The following SMARCA2 variants were observed in gnomAD, a reference collection of about 807,000 sequenced individuals.
SMARCA2 encodes SWI/SNF-related matrix-associated actin-dependent regulator of chromatin subfamily A member 2.
A neutral mutation model predicts 199.8 loss-of-function variants in SMARCA2; 61 were observed. That is an observed-to-expected ratio of 0.31 (90% CI 0.25 to 0.38). The LOEUF is 0.38. SMARCA2 is among the 10% of genes least tolerant of loss of function. The pLI is 1.00. For synonymous variants in SMARCA2, 935 were observed against 732.0 expected, an observed-to-expected ratio of 1.28 and a Z score of -4.48; for missense variants, 1,344 against 2,012.2, an observed-to-expected ratio of 0.67 and a Z score of 6.35.
At chr9:2,114,171 T>G (rs74654339) in intron 24 of SMARCA2, among the ~76,000 whole-genome samples, 2 of 152,184 alleles carry the variant, frequency 1.3e-5, no homozygotes, top group Non-Finnish European at 2.9e-5. Context: ...AAAGGAACTT[T>G]AGGGTGTTTT....
At chr9:2,053,645 CTTA>C (rs1347051430) in intron 5 of SMARCA2, among the ~76,000 whole-genome samples, 3 of 152,262 alleles carry the variant, frequency 2.0e-5, no homozygotes, top group African/African-American at 4.8e-5. Context: ...TAACTTATTA[CTTA>C]TTATTATTCT....
Position 2,073,977 on chromosome 9 carries a change from A to T in SMARCA2, c.1935+354A>T, listed in dbSNP as rs151182773. On this transcript the variant is annotated intron_variant, in intron 12 of 33. Transcript: ENST00000349721. Reference sequence around the variant, plus strand: ...CATACCATACCTCTAAGTGGTTCACATTGAGAATTAACTGCCAAAAAGTTC... The same window carrying T: ...CATACCATACCTCTAAGTGGTTCACTTTGAGAATTAACTGCCAAAAAGTTC... 8.9e-4 allele frequency among the ~76,000 whole-genome samples: 136 copies of T among 152,314 alleles called. 3 individuals are homozygous for T. In the East Asian group the frequency reaches 0.022, roughly 24 times the overall value.
At position 2,159,560 on chromosome 9, in the gene SMARCA2, G is replaced by A. The variant is rs531237460; in HGVS notation, c.3982-2126G>A. On this transcript the variant is annotated intron_variant, in intron 27 of 33. Coordinates refer to ENST00000349721, the MANE Select transcript of SMARCA2 (RefSeq NM_003070.5). ...CTTACTGGCTTAATTGTTAAAATGC[G>A]AGCAAGACTCAGAAACCATCTGAGC... 874 of 351,958 alleles carry A rather than the reference G, an allele frequency of 2.5e-3. 3 individuals carry two copies. Among genetic ancestry groups the A allele is most frequent in the Non-Finnish European group, 3.5e-3 (684 of 194,484 alleles). 21.8% of individuals were successfully genotyped at this position (351,958 alleles called of 1,614,324 possible).
rs535504760 is a variant in SMARCA2 at position 2,124,070 on chromosome 9, G to A, written c.3981+133G>A. 353 of 724,418 alleles carry A rather than the reference G, an allele frequency of 4.9e-4. 6 individuals are homozygous for A. The South Asian group carries it at 5.3e-3, about 11-fold the overall frequency. 44.9% of individuals were successfully genotyped at this position (724,418 alleles called of 1,614,324 possible). ...CAAAGGGAAGGGGCTCTTGAACACA[G>A]AAGATAAAGTCATTCTGCTGTTGCA... On this transcript the variant is annotated intron_variant, in intron 27 of 33. Transcript: ENST00000349721.
At position 2,117,579 on chromosome 9, in the gene SMARCA2, C is replaced by T. The variant is rs1203189897; in HGVS notation, c.3684+1530C>T. Among the ~76,000 whole-genome samples, 5 of 152,208 alleles carry T rather than the reference C, an allele frequency of 3.3e-5. No individual in the cohort carries two copies. In the East Asian group the frequency reaches 9.6e-4, roughly 29 times the overall value. On this transcript the variant is annotated intron_variant, in intron 25 of 33. Coordinates refer to ENST00000349721, the MANE Select transcript of SMARCA2 (RefSeq NM_003070.5). ...AGATATGAGCAGAGCTGACACTCAG[C>T]CAGTCGTCTCCACTACATTTTTGCT...
At chr9:2,178,531 C>CAATT (rs2129835300) in intron 29 of SMARCA2, among the ~76,000 whole-genome samples, 1 of 152,160 alleles carries the variant, frequency 6.6e-6, no homozygotes, top group East Asian at 1.9e-4. Context: ...CAACATTGTA[C>CAATT]AATTAGACTA....
At chr9:2,184,324 G>C (rs915349342) in intron 31 of SMARCA2, among the ~76,000 whole-genome samples, 3 of 150,754 alleles carry the variant, frequency 2.0e-5, no homozygotes, top group Non-Finnish European at 4.4e-5. Flanking sequence ...TCTCAAGATG[G>C]AAACATCTTG....
chr9:2,120,007 C>G (rs1823385367), intron 26 of SMARCA2, among the ~76,000 whole-genome samples: 3 of 152,222 alleles, frequency 2.0e-5, no homozygotes, highest in Admixed American at 6.5e-5. Context: ...AGGATCAAAG[C>G]AACATGCTCC....
In SMARCA2 at chr9:2,087,318, C is replaced by T. The variant is rs549372221; in HGVS notation, c.2769+247C>T. On this transcript the variant is annotated intron_variant, in intron 18 of 33. Coordinates refer to ENST00000349721, the MANE Select transcript of SMARCA2 (RefSeq NM_003070.5). ...TTTGCCAGCATGTTTACCAGGCTAC[C>T]AGAAAAGGGTCCCAACCGGTGGAAT... 5 of 497,192 alleles carry T rather than the reference C, an allele frequency of 1.0e-5. No individual in the cohort carries two copies. In the South Asian group the frequency reaches 1.2e-4, roughly 12 times the overall value. The allele number at this position is 497,192 out of a possible 1,614,324, so 30.8% of individuals were successfully genotyped here.
chr9:2,064,980 C>G (rs768614908), intron 9 of SMARCA2, among the ~76,000 whole-genome samples: 16 of 152,248 alleles, frequency 1.1e-4, no homozygotes, highest in South Asian at 8.3e-4. Flanking sequence ...GTCAGGAGAT[C>G]GAGACCATCC....
chr9:2,068,886 C>T (rs980805013), intron 9 of SMARCA2: 1 of 151,682 alleles, frequency 6.6e-6, no homozygotes, highest in Non-Finnish European at 1.5e-5. Context: ...ACAGATGAGA[C>T]TTTCTTGGAT....
At chr9:2,076,578 C>G (rs907301910) in intron 13 of SMARCA2, among the ~76,000 whole-genome samples, 1 of 151,858 alleles carries the variant, frequency 6.6e-6, no homozygotes, top group Non-Finnish European at 1.5e-5. Flanking sequence ...ACCCTTCTCT[C>G]TCCTTAATCC....
intron 4 of SMARCA2, chr9:2,043,778 A>G (rs1819715360): frequency 1.3e-5 from 2 of 152,160 alleles, no homozygotes; most frequent in Non-Finnish European, 2.9e-5. Flanking sequence ...AATCACGCCT[A>G]GGGATGCATT....
rs1823177596 is a variant in SMARCA2, at chr9:2,115,454, TAAG to T, written c.3457-367_3457-365del. On this transcript the variant is annotated intron_variant, in intron 24 of 33. Transcript: ENST00000349721. The surrounding 1 kb of genome is among the most constrained non-coding windows in gnomAD (Gnocchi z 6.0). ...CAAAGAAAAGGCGTTTCTTGCAACT[TAAG>T]GTTAGTTGTAGGTGTTATGTAAGTC... Among the ~76,000 whole-genome samples, 1 of 152,230 alleles carries T rather than the reference TAAG, an allele frequency of 6.6e-6. No individual in the cohort carries two copies. Among genetic ancestry groups the T allele is most frequent in the Admixed American group, 6.5e-5 (1 of 15,278 alleles).
intron 2 of SMARCA2, among the ~76,000 whole-genome samples, chr9:2,029,970 TAA>T (rs1818990292): frequency 6.6e-6 from 1 of 152,218 alleles, no homozygotes; most frequent in Non-Finnish European, 1.5e-5. Context: ...TTTGAGAAAG[TAA>T]ACAAGATCCT....
At chr9:2,150,678 AC>A (rs1218551011) in intron 27 of SMARCA2, among the ~76,000 whole-genome samples, 1 of 151,602 alleles carries the variant, frequency 6.6e-6, no homozygotes, top group African/African-American at 2.4e-5. Flanking sequence ...AATTTTAGTT[AC>A]CCTATGTAAT....
At chr9:2,071,374 G>A (rs1255977358) in intron 10 of SMARCA2, among the ~76,000 whole-genome samples, 1 of 152,184 alleles carries the variant, frequency 6.6e-6, no homozygotes, top group Admixed American at 6.5e-5. Context: ...GAGAAACTCC[G>A]TGGGCTGTTA....
Position 2,097,426 on chromosome 9 carries a change from G to T in SMARCA2, c.3033G>T (p.Gln1011His). 1 of 1,612,718 alleles carries T rather than the reference G, an allele frequency of 6.2e-7. No homozygotes were observed. Among genetic ancestry groups the T allele is most frequent in the Non-Finnish European group, 8.5e-7 (1 of 1,179,056 alleles). Reference sequence around the variant, plus strand: ...AGACACTTATGAACACTATTATGCAGTTGAGAAAAATCTGCAACCACCCAT... The same window carrying T: ...AGACACTTATGAACACTATTATGCATTTGAGAAAAATCTGCAACCACCCAT... ...GAKTLMNTIM[Q>H]LRKICNHPYM... The change falls in exon 21 of 34, where the codon CAG becomes CAT. Residue 1011 changes from glutamine (Q) to histidine (H), a missense_variant. Gln to His is a conservative substitution (Grantham distance 24). This residue lies in a region of SMARCA2 where 98 missense variants were observed against 245.6 expected (regional missense o/e 0.40). Transcript: ENST00000349721.
intron 19 of SMARCA2, among the ~76,000 whole-genome samples, chr9:2,093,377 G>A (rs550238597): frequency 3.3e-5 from 5 of 152,266 alleles, no homozygotes; most frequent in Admixed American, 1.3e-4. Context: ...GATTGACACC[G>A]GTACCTATGT....
Sources: allele counts gnomAD v4.1 joint callset (sites outside exome capture counted in the v4.1 genomes callset), GRCh38; gene constraint gnomAD v4.1.1; regional missense constraint gnomAD v4.1.1; non-coding constraint Gnocchi (gnomAD v3.1); transcripts MANE v1.5; gene names NCBI Gene and HGNC (gene_info 2026-07-23, HGNC 2026-07-21).